SLC36A2: variants seen among roughly 807,000 people sequenced by gnomAD.
SLC36A2 encodes the protein proton-coupled amino acid transporter 2.
Under a neutral mutation model 42.7 loss-of-function variants are expected in SLC36A2, and 39 were observed. The ratio of observed to expected loss-of-function variants is 0.91; its 90% CI spans 0.71 to 1.19. SLC36A2 has a LOEUF of 1.19. Among genes scored for constraint, SLC36A2 ranks in the 50% most tolerant of loss-of-function variants. SLC36A2 has a pLI of 0.00. For missense variants in SLC36A2, 590 were observed against 613.7 expected (o/e 0.96, Z 0.41); for synonymous variants, 237 against 240.8 (o/e 0.98, Z 0.15).
At chr5:151,319,060 C>T (rs1755605458) in intron 9 of SLC36A2, 2 of 690,630 alleles carry the variant, frequency 2.9e-6, no homozygotes, top group Admixed American at 1.3e-4. Flanking sequence ...AGCTTGTTTC[C>T]TCAGCTGCAA....
chr5:151,345,133 A>T (rs1756457796), intron 1 of SLC36A2, among the ~76,000 whole-genome samples: 1 of 152,184 alleles, frequency 6.6e-6, no homozygotes, highest in African/African-American at 2.4e-5. Flanking sequence ...CTATTAGCGG[A>T]ATTACAAAAC....
At chr5:151,345,825 C>G (rs1207572922) in intron 1 of SLC36A2, among the ~76,000 whole-genome samples, 4 of 152,222 alleles carry the variant, frequency 2.6e-5, no homozygotes, top group African/African-American at 9.7e-5. Context: ...TAACTCCTTT[C>G]TTTTTGGTCA....
Position 151,322,162 on chromosome 5 carries a change from G to T in SLC36A2, c.1064C>A (p.Ala355Asp). ...LYIAGILCTY[A>D]LQFYVPAEII... The stretch of plus-strand genomic sequence containing the variant: ...TTCTGCAGGGACGTAGAACTGCAGG[G>T]CATAGGTGCACAGGATGCCGGCAAT... The change falls in exon 9 of 10, where the codon GCC becomes GAC. Residue 355 changes from alanine (A) to aspartate (D), a missense_variant. Physicochemically the swap from Ala to Asp is moderately radical, Grantham distance 126 (BLOSUM62 -2). Coordinates refer to ENST00000335244, the MANE Select transcript of SLC36A2 (RefSeq NM_181776.3). The T allele has an allele frequency of 6.2e-7, 1 of 1,614,178 alleles. No homozygotes were observed. Among genetic ancestry groups the T allele is most frequent in the East Asian group, 2.2e-5 (1 of 44,876 alleles).
Position 151,316,786 on chromosome 5 carries a change from G to T in SLC36A2, c.*31C>A. ...AAAGAGATCCATATAATTAAAAGTC[G>T]GGTGCTGGTAGGCAAGGAGCAGTGC... On this transcript the variant is annotated 3_prime_UTR_variant, in exon 10 of 10. Coordinates refer to ENST00000335244, the MANE Select transcript of SLC36A2 (RefSeq NM_181776.3). The T allele has an allele frequency of 6.4e-7, 1 of 1,565,938 alleles. No homozygotes were observed. Among genetic ancestry groups the T allele is most frequent in the Non-Finnish European group, 8.8e-7 (1 of 1,140,952 alleles).
chr5:151,338,762 A>C (rs1756232581), intron 5 of SLC36A2: 1 of 293,294 alleles, frequency 3.4e-6, no homozygotes. Flanking sequence ...AGAAGCGTTA[A>C]GTATAATTAA....
intron 4 of SLC36A2, among the ~76,000 whole-genome samples, chr5:151,340,214 AG>A (rs201115850): frequency 1.1e-4 from 13 of 123,582 alleles, no homozygotes; most frequent in African/African-American, 4.2e-4. Context: ...GAGGAGGAGG[AG>A]GGAGAGGAGG....
At chr5:151,323,749 A>G (rs1755767915) in intron 8 of SLC36A2, among the ~76,000 whole-genome samples, 3 of 152,192 alleles carry the variant, frequency 2.0e-5, no homozygotes. Flanking sequence ...GTGTACATAC[A>G]CTATCTGTTC....
At chr5:151,325,792 C>T (rs1755836525) in intron 7 of SLC36A2, among the ~76,000 whole-genome samples, 2 of 152,102 alleles carry the variant, frequency 1.3e-5, no homozygotes, top group South Asian at 4.1e-4. Flanking sequence ...AAGACAAGGA[C>T]TGCCTGATTC....
Position 151,333,266 on chromosome 5 carries a change from G to A in SLC36A2, c.801C>T (p.Leu267=), listed in dbSNP as rs1396172436. 2.5e-6 allele frequency: 4 copies of A among 1,614,144 alleles called. No homozygotes were observed. The Admixed American group carries it at 5.0e-5, about 20-fold the overall frequency. The change falls in exon 7 of 10, where the codon CTC becomes CTT. Residue 267 remains leucine, a synonymous_variant. Coordinates refer to ENST00000335244, the MANE Select transcript of SLC36A2 (RefSeq NM_181776.3). ...AAGAAAAAATGGCTGTTCCGAAGAA[G>A]AGAGGGTAGGTCTTCCAGCTTGCTA... ...PLVASWKTYP[L]FFGTAIFSFE...
rs1475909748 is a variant in SLC36A2, at chr5:151,325,282, A to T, written c.1010+4T>A. ...CCCCACCACCTGACAGCCCATGAAG[A>T]TACCAGCAGTTAGGCAGGTTAAGGC... On this transcript the variant is annotated splice_donor_region_variant and intron_variant, in intron 8 of 9. Coordinates refer to ENST00000335244, the MANE Select transcript of SLC36A2 (RefSeq NM_181776.3). The T allele has an allele frequency of 1.2e-6, 2 of 1,613,082 alleles. No individual in the cohort carries two copies. Among genetic ancestry groups the T allele is most frequent in the Middle Eastern group, 3.3e-4 (2 of 6,036 alleles).
intron 9 of SLC36A2, among the ~76,000 whole-genome samples, chr5:151,320,506 A>C (rs1755655096): frequency 6.6e-6 from 1 of 152,222 alleles, no homozygotes; most frequent in Non-Finnish European, 1.5e-5. Flanking sequence ...ACACTTTTGC[A>C]ATTACAATCA....
rs897548956 is a variant in SLC36A2, at chr5:151,315,327, G to T, written c.*1490C>A. ...TGGCCAAAGCAAGTTACAAGGCCAA[G>T]ATCAAATTTAAAGGGGAGAGGCTGG... is the stretch of plus-strand genomic sequence containing the variant. On this transcript the variant is annotated 3_prime_UTR_variant, in exon 10 of 10. Coordinates refer to ENST00000335244, the MANE Select transcript of SLC36A2 (RefSeq NM_181776.3). 1 of 152,526 alleles carries T rather than the reference G, an allele frequency of 6.6e-6. No homozygotes were observed. The highest frequency in any genetic ancestry group is 1.5e-5 in the Non-Finnish European group (1 of 68,080). 9.4% of individuals were successfully genotyped at this position (152,526 alleles called of 1,614,324 possible). A position where few individuals can be genotyped will look rare whatever the true frequency, so the allele number is the denominator to read the frequency against.
intron 6 of SLC36A2, among the ~76,000 whole-genome samples, chr5:151,334,052 A>G (rs998871832): frequency 1.3e-5 from 2 of 152,116 alleles, no homozygotes; most frequent in African/African-American, 4.8e-5. Flanking sequence ...TGAAGGGGAG[A>G]AGACTGTGTA....
At position 151,315,858 on chromosome 5, in the gene SLC36A2, C is replaced by G. The variant is rs1408362033; in HGVS notation, c.*959G>C. On this transcript the variant is annotated 3_prime_UTR_variant, in exon 10 of 10. Transcript: ENST00000335244. ...ATTCAAATAATATTCATGTTCACTC[C>G]TCATCCCTCCCCATTGGCACATCTA... 6.6e-6 allele frequency: 1 copy of G among 152,198 alleles called. No homozygotes were observed. The highest frequency in any genetic ancestry group is 1.9e-4 in the East Asian group (1 of 5,204). 9.4% of individuals were successfully genotyped at this position (152,198 alleles called of 1,614,324 possible).
At chr5:151,340,079 AAGG>A (rs1339330147) in intron 4 of SLC36A2, among the ~76,000 whole-genome samples, 4 of 151,698 alleles carry the variant, frequency 2.6e-5, no homozygotes, top group African/African-American at 9.7e-5. Flanking sequence ...AAAGAAGAAA[AAGG>A]AGGAGAGGAA....
At chr5:151,345,660 A>C (rs749231611) in intron 1 of SLC36A2, among the ~76,000 whole-genome samples, 26 of 152,210 alleles carry the variant, frequency 1.7e-4, no homozygotes, top group Non-Finnish European at 2.9e-4. Flanking sequence ...TTGTTTTGCA[A>C]CTAGGAAAGG....
chr5:151,347,292 C>G lies in SLC36A2; in HGVS notation c.164+5G>C. The G allele has an allele frequency of 6.2e-7, 1 of 1,614,204 alleles. No homozygotes were observed. Among genetic ancestry groups the G allele is most frequent in the East Asian group, 2.2e-5 (1 of 44,890 alleles). On this transcript the variant is annotated splice_donor_5th_base_variant and intron_variant, in intron 1 of 9. Coordinates refer to ENST00000335244, the MANE Select transcript of SLC36A2 (RefSeq NM_181776.3). The stretch of plus-strand genomic sequence containing the variant: ...GAAATAGGGATGGCAGAAAACAGCA[C>G]TCACGTTATGCCCTTGGTCTTCTTC...
intron 2 of SLC36A2, 23 bp from the exon 3 acceptor site, chr5:151,343,621 G>T (rs1173632967): frequency 8.7e-6 from 14 of 1,602,918 alleles, no homozygotes; most frequent in Non-Finnish European, 1.1e-5. Flanking sequence ...GAGGCAAGGG[G>T]CGAGGGAGGA....
At chr5:151,318,669 A>G (rs1755594337) in intron 9 of SLC36A2, among the ~76,000 whole-genome samples, 1 of 149,802 alleles carries the variant, frequency 6.7e-6, no homozygotes, top group Non-Finnish European at 1.5e-5. Flanking sequence ...AATAATTAAC[A>G]TGAGTATAAG....
Sources: gnomAD v4.1 joint callset for allele counts (sites outside exome capture counted in the v4.1 genomes callset) on GRCh38, gnomAD v4.1.1 for gene constraint, MANE v1.5 for transcripts, NCBI Gene and HGNC (gene_info 2026-07-23, HGNC 2026-07-21) for gene names.